The following TIAM1 variants were observed in gnomAD, a reference collection of about 807,000 sequenced individuals.
TIAM1 encodes rho guanine nucleotide exchange factor TIAM1.
Under a neutral mutation model 163.5 loss-of-function variants are expected in TIAM1, and 65 were observed. The ratio of observed to expected loss-of-function variants is 0.40; its 90% CI spans 0.33 to 0.49. TIAM1 has a LOEUF of 0.49. Ranked by LOEUF, TIAM1 falls within the 20% of genes least tolerant of loss-of-function variation. TIAM1 has a pLI of 0.77. For synonymous variants in TIAM1, 833 were observed against 810.1 expected (o/e 1.03, Z -0.48); for missense variants, 1,789 against 2,044.7 (o/e 0.87, Z 2.41).
At chr21:31,222,456 G>A (rs1259370999) in intron 8 of TIAM1, among the ~76,000 whole-genome samples, 1 of 151,800 alleles carries the variant, frequency 6.6e-6, no homozygotes, top group East Asian at 1.9e-4. Flanking sequence ...ACAATCTGCC[G>A]CTCTAGAGGT....
chr21:31,323,750 G>A (rs771318707), intron 2 of TIAM1, among the ~76,000 whole-genome samples: 1 of 152,158 alleles, frequency 6.6e-6, no homozygotes, highest in Non-Finnish European at 1.5e-5. Context: ...AGAATCGCTA[G>A]AGCCCGGGAG....
chr21:31,420,122 G>C (rs1199031277), intron 2 of TIAM1, among the ~76,000 whole-genome samples: 1 of 152,156 alleles, frequency 6.6e-6, no homozygotes, highest in African/African-American at 2.4e-5. Context: ...TTTTGAAAAA[G>C]CGACTTTAGG....
chr21:31,184,514 T>C (rs2085190016), intron 14 of TIAM1, among the ~76,000 whole-genome samples: 1 of 152,182 alleles, frequency 6.6e-6, no homozygotes, highest in South Asian at 2.1e-4. Flanking sequence ...CACTCTTGCA[T>C]CTGTTGAGAA....
intron 9 of TIAM1, among the ~76,000 whole-genome samples, chr21:31,214,268 C>T (rs1311096564): frequency 1.3e-5 from 2 of 151,458 alleles, no homozygotes; most frequent in Admixed American, 1.3e-4. Context: ...AAGTTTGCAG[C>T]GAGCTGAGAC....
chr21:31,265,025 T>C (rs1255385775), intron 4 of TIAM1, among the ~76,000 whole-genome samples: 1 of 152,122 alleles, frequency 6.6e-6, no homozygotes, highest in Admixed American at 6.5e-5. Context: ...TTTCTTTTAT[T>C]GACACAGAGT....
intron 4 of TIAM1, among the ~76,000 whole-genome samples, chr21:31,261,557 C>CA: frequency 6.6e-6 from 1 of 152,102 alleles, no homozygotes; most frequent in East Asian, 1.9e-4. Context: ...ACTAAAAATA[C>CA]AAAAAATTAG....
chr21:31,554,062 G>A (rs150515072), intron 1 of TIAM1, among the ~76,000 whole-genome samples: 2 of 152,254 alleles, frequency 1.3e-5, no homozygotes, highest in Non-Finnish European at 2.9e-5. Context: ...AAGGTGGGAG[G>A]GACAGTGGAA....
At chr21:31,152,785 GC>G in intron 18 of TIAM1, 24 bp from the exon 19 acceptor site, 1 of 1,612,712 alleles carries the variant, frequency 6.2e-7, no homozygotes, top group Non-Finnish European at 8.5e-7. Context: ...AGAATTTAAT[GC>G]ACCTCATATC....
At chr21:31,136,391 C>T (rs1717209234) in intron 22 of TIAM1, among the ~76,000 whole-genome samples, 1 of 151,994 alleles carries the variant, frequency 6.6e-6, no homozygotes, top group Admixed American at 6.6e-5. Context: ...TCAAAACAGG[C>T]TGAAGATACA....
At chr21:31,149,578 A>G (rs2083287167) in intron 19 of TIAM1, among the ~76,000 whole-genome samples, 1 of 152,206 alleles carries the variant, frequency 6.6e-6, no homozygotes, top group Admixed American at 6.5e-5. Flanking sequence ...TTAGTGATTA[A>G]CTGGACCCAA....
chr21:31,199,596 T>C (rs1236594584), intron 12 of TIAM1, among the ~76,000 whole-genome samples: 1 of 151,338 alleles, frequency 6.6e-6, no homozygotes, highest in East Asian at 1.9e-4. Context: ...AGTGGCACGA[T>C]ATTGGCTCCC....
chr21:31,341,974 C>T (rs9976177), intron 1 of TIAM1, among the ~76,000 whole-genome samples: 22,841 of 151,942 alleles, frequency 0.15, 1,760 homozygotes, highest in Middle Eastern at 0.18. Flanking sequence ...GTACAAATAA[C>T]GCCATGAATG....
In TIAM1 at chr21:31,423,858, GGGGGC is replaced by G. The variant is rs1231165402; in HGVS notation, c.-369+40120_-369+40124del. On this transcript the variant is annotated intron_variant, in intron 2 of 28. Transcript: ENST00000286827. ...AGAAAGTAAATTAATGATTATCGGG[GGGGGC>G]GGGGGGGGGGTCAAGGGAGTTGGGG... Among the ~76,000 whole-genome samples the G allele has an allele frequency of 9.3e-4, 107 of 114,534 alleles. 1 individual carries two copies. The highest frequency in any genetic ancestry group is 3.0e-3 in the East Asian group (11 of 3,626). 75.1% of individuals were successfully genotyped at this position (114,534 alleles called of 152,430 possible).
chr21:31,526,179 G>A (rs2047778666), intron 1 of TIAM1, among the ~76,000 whole-genome samples: 1 of 152,142 alleles, frequency 6.6e-6, no homozygotes, highest in Admixed American at 6.6e-5. Flanking sequence ...TAGCAGCACT[G>A]AGCCCTGGGG....
chr21:31,147,677 T>C (rs1303008032), intron 19 of TIAM1, among the ~76,000 whole-genome samples: 2 of 144,812 alleles, frequency 1.4e-5, no homozygotes, highest in Admixed American at 7.1e-5. Context: ...TATATAGATA[T>C]ATATAAATAT....
At chr21:31,497,361 G>C (rs565104553) in intron 1 of TIAM1, among the ~76,000 whole-genome samples, 1 of 152,144 alleles carries the variant, frequency 6.6e-6, no homozygotes, top group Admixed American at 6.5e-5. Context: ...AGTTATAAGA[G>C]TAAGGAAGCG....
intron 7 of TIAM1, among the ~76,000 whole-genome samples, chr21:31,225,403 C>A (rs186236622): frequency 3.9e-4 from 60 of 152,280 alleles, no homozygotes; most frequent in African/African-American, 1.3e-3. Flanking sequence ...CCAAGTCAGT[C>A]TGATAACATG....
At position 31,141,256 on chromosome 21, in the gene TIAM1, G is replaced by C; in HGVS notation, c.3656-20C>G. 6.2e-7 allele frequency: 1 copy of C among 1,613,944 alleles called. No individual in the cohort carries two copies. Among genetic ancestry groups the C allele is most frequent in the East Asian group, 2.2e-5 (1 of 44,878 alleles). On this transcript the variant is annotated intron_variant, in intron 21 of 27. Coordinates refer to ENST00000541036, the MANE Select transcript of TIAM1 (RefSeq NM_001353694.2). The surrounding 1 kb of genome is among the most constrained non-coding windows in gnomAD (Gnocchi z 4.7). ...TGGCCACTGGAAGAAAACAGGTTGTGAAATGAGAGGCTATTTAGAGACCCT... is the reference window on the plus strand; with the variant it reads ...TGGCCACTGGAAGAAAACAGGTTGTCAAATGAGAGGCTATTTAGAGACCCT...
intron 2 of TIAM1, among the ~76,000 whole-genome samples, chr21:31,450,910 G>A (rs747683171): frequency 2.2e-4 from 34 of 152,018 alleles, no homozygotes; most frequent in Non-Finnish European, 4.6e-4. Flanking sequence ...TGGGAATTAC[G>A]GGAGCTACAC....
Sources: gnomAD v4.1 joint callset for allele counts (sites outside exome capture counted in the v4.1 genomes callset) on GRCh38, gnomAD v4.1.1 for gene constraint, Gnocchi (gnomAD v3.1) non-coding constraint, MANE v1.5 for transcripts, NCBI Gene and HGNC (gene_info 2026-07-23, HGNC 2026-07-21) for gene names.